The following NLRC5 variants were observed in gnomAD, a reference collection of about 807,000 sequenced individuals.
NLRC5 encodes NLR family CARD domain containing 5.
A neutral mutation model predicts 206.9 loss-of-function variants in NLRC5; 114 were observed. That is an observed-to-expected ratio of 0.55 (90% CI 0.47 to 0.64). The LOEUF (loss-of-function observed/expected upper bound fraction) is 0.64, where lower values mean the gene tolerates loss of function less well. NLRC5 is among the 30% of genes least tolerant of loss of function. NLRC5 has a pLI of 0.00. For synonymous variants in NLRC5, 952 were observed against 962.8 expected, an observed-to-expected ratio of 0.99 and a Z score of 0.21; for missense variants, 2,008 against 2,305.5, an observed-to-expected ratio of 0.87 and a Z score of 2.64.
chr16:57,022,367 C>T, intron 4 of NLRC5, 52 bp downstream of exon 4: 1 of 1,517,126 alleles, frequency 6.6e-7, no homozygotes, highest in East Asian at 2.3e-5. Flanking sequence ...CTGTGAAGTC[C>T]CCACTTCCAA....
At chr16:57,057,924 T>C (rs536301846) in intron 27 of NLRC5, 141 bp from the exon 28 acceptor site, 9 of 687,298 alleles carry the variant, frequency 1.3e-5, no homozygotes, top group South Asian at 1.2e-4. Context: ...ATACTGGTGA[T>C]GGTGGTGATG....
chr16:57,069,810 A>G, intron 36 of NLRC5, 26 bp from the exon 37 acceptor site: 1 of 1,588,554 alleles, frequency 6.3e-7, no homozygotes, highest in South Asian at 1.1e-5. Context: ...CTCCTGCCTG[A>G]CCTGTTGCCC....
At chr16:57,012,466 T>C (rs1478745085) in intron 1 of NLRC5, among the ~76,000 whole-genome samples, 3 of 152,236 alleles carry the variant, frequency 2.0e-5, no homozygotes, top group Non-Finnish European at 4.4e-5. Flanking sequence ...TGTCGGTTCA[T>C]GGCCTGTTAG....
chr16:57,082,124 A>C (rs150348), intron 48 of NLRC5, among the ~76,000 whole-genome samples: 86,770 of 152,122 alleles, frequency 0.57, 25,458 homozygotes, highest in East Asian at 0.82. Context: ...AGACAGATGG[A>C]AGTAAAACAT....
chr16:57,081,457 C>A, intron 47 of NLRC5, 70 bp from the exon 48 acceptor site: 1 of 1,448,426 alleles, frequency 6.9e-7, no homozygotes, highest in Non-Finnish European at 9.7e-7. Flanking sequence ...AGGAAGGGAC[C>A]TAGGAAACTC....
intron 1 of NLRC5, among the ~76,000 whole-genome samples, chr16:56,990,382 C>T (rs1279180699): frequency 1.3e-5 from 2 of 152,230 alleles, no homozygotes; most frequent in African/African-American, 4.8e-5. Context: ...TCCTTAATGT[C>T]AAATCTCCAG....
At chr16:57,011,153 C>T (rs2059448643) in intron 1 of NLRC5, among the ~76,000 whole-genome samples, 1 of 152,218 alleles carries the variant, frequency 6.6e-6, no homozygotes, top group African/African-American at 2.4e-5. Flanking sequence ...TGGCTCACGC[C>T]TGTAACCCCA....
chr16:57,013,219 C>A, intron 1 of NLRC5: 2 of 487,832 alleles, frequency 4.1e-6, no homozygotes, highest in South Asian at 3.7e-5. Context: ...CGAACAGTAT[C>A]AAATCCTTGG....
chr16:57,037,793 G>C (rs62037268), intron 15 of NLRC5, among the ~76,000 whole-genome samples: 11,713 of 152,136 alleles, frequency 0.077, 524 homozygotes, highest in Middle Eastern at 0.095. Flanking sequence ...TGTAAGTCTC[G>C]CCGTTGAGTA....
intron 26 of NLRC5, 144 bp downstream of exon 26, chr16:57,055,238 A>G (rs2065465051): frequency 1.0e-6 from 1 of 981,784 alleles, no homozygotes; most frequent in Non-Finnish European, 1.6e-6. Context: ...TGTTTCACCC[A>G]GCATGAAGAA....
chr16:57,015,544 G>T lies in NLRC5; in HGVS notation c.-127-1530G>T, dbSNP rs1182721166. Among the ~76,000 whole-genome samples, 4 of 151,864 alleles carry T rather than the reference G, an allele frequency of 2.6e-5. No homozygotes were observed. In the South Asian group the frequency reaches 8.3e-4, roughly 32 times the overall value. ...AGGCAAAAGGATCACATGAACCTAGGAGTTTGAATCCAGCCTGGGCAACAT... is the reference window on the plus strand; with the variant it reads ...AGGCAAAAGGATCACATGAACCTAGTAGTTTGAATCCAGCCTGGGCAACAT... On this transcript the variant is annotated intron_variant, in intron 1 of 48. Transcript: ENST00000688547.
chr16:57,010,583 AG>A (rs1272704504), intron 1 of NLRC5, among the ~76,000 whole-genome samples: 1 of 152,118 alleles, frequency 6.6e-6, no homozygotes. Context: ...ATGTAGCCCA[AG>A]CTGGTCTCCA....
At chr16:57,050,013 C>G (rs988545673) in intron 23 of NLRC5, among the ~76,000 whole-genome samples, 1 of 151,940 alleles carries the variant, frequency 6.6e-6, no homozygotes, top group Non-Finnish European at 1.5e-5. Context: ...CTCCATCCCC[C>G]CTCCCTGAAT....
At chr16:57,047,492 C>T (rs2064153481) in intron 22 of NLRC5, 53 bp from the exon 23 acceptor site, 2 of 1,509,768 alleles carry the variant, frequency 1.3e-6, no homozygotes. Context: ...TGGGGCTAGC[C>T]AGGGACCCTG....
At chr16:57,047,342 A>G (rs2144018533) in intron 22 of NLRC5, among the ~76,000 whole-genome samples, 1 of 152,114 alleles carries the variant, frequency 6.6e-6, no homozygotes, top group African/African-American at 2.4e-5. Context: ...CTGGGAACTC[A>G]GGGTCCTGCA....
intron 1 of NLRC5, among the ~76,000 whole-genome samples, chr16:57,007,811 T>C (rs2059085874): frequency 6.6e-6 from 1 of 152,218 alleles, no homozygotes; most frequent in Admixed American, 6.5e-5. Context: ...ATGAGGTCAT[T>C]GGCTTTTTCA....
At chr16:57,030,438 A>ATGGATGGATGGATG (rs2061702843) in intron 10 of NLRC5, among the ~76,000 whole-genome samples, 1 of 89,542 alleles carries the variant, frequency 1.1e-5, no homozygotes, top group South Asian at 4.3e-4. Flanking sequence ...GTGGATGAAA[A>ATGGATGGATGGATG]GATGGATGGA....
chr16:57,023,698 TG>T, intron 4 of NLRC5, 86 bp from the exon 5 acceptor site: 1 of 1,124,404 alleles, frequency 8.9e-7, no homozygotes, highest in Non-Finnish European at 1.3e-6. Context: ...CACCTGTCTG[TG>T]GACTGGAGTT....
At chr16:57,030,382 A>AGATGGATGGACG (rs2061675437) in intron 10 of NLRC5, among the ~76,000 whole-genome samples, 4 of 104,934 alleles carry the variant, frequency 3.8e-5, no homozygotes, top group Non-Finnish European at 7.8e-5. Context: ...GTGGATGAAA[A>AGATGGATGGACG]GATGGATGGA....
Sources: gnomAD v4.1 joint callset for allele counts (sites outside exome capture counted in the v4.1 genomes callset) on GRCh38, gnomAD v4.1.1 for gene constraint, MANE v1.5 for transcripts, NCBI Gene and HGNC (gene_info 2026-07-23, HGNC 2026-07-21) for gene names.